Variants in NAV3 observed in about 807,000 individuals in gnomAD.
NAV3 encodes the protein neuron navigator 3, also known as pore membrane and/or filament interacting like protein 1.
In NAV3, 87 loss-of-function variants were observed where a neutral mutation model predicts 244.7. That is an observed-to-expected ratio of 0.36 (90% CI 0.30 to 0.42). NAV3 has a LOEUF of 0.42. NAV3 is among the 20% of genes least tolerant of loss of function. The pLI, the probability that NAV3 is intolerant of heterozygous loss-of-function variation, is 1.00. For synonymous variants in NAV3, 1,126 were observed against 1,042.2 expected (o/e 1.08, Z -1.55); for missense variants, 2,663 against 2,893.3 (o/e 0.92, Z 1.83).
chr12:77,900,567 C>A (rs1023065673), intron 1 of NAV3, among the ~76,000 whole-genome samples: 3 of 149,354 alleles, frequency 2.0e-5, no homozygotes, highest in East Asian at 4.1e-4. Context: ...CACATGCACA[C>A]GCGTATGTGT....
At chr12:77,588,719 G>A (rs1869760444) in intron 2 of NAV3, among the ~76,000 whole-genome samples, 1 of 152,086 alleles carries the variant, frequency 6.6e-6, no homozygotes, top group Non-Finnish European at 1.5e-5. Flanking sequence ...CCTTAATTTG[G>A]CAAGTACTTA....
intron 2 of NAV3, among the ~76,000 whole-genome samples, chr12:77,801,552 A>T (rs1313051092): frequency 6.6e-6 from 1 of 152,132 alleles, no homozygotes; most frequent in Non-Finnish European, 1.5e-5. Context: ...CAAAGTAATA[A>T]TATGTCTTTT....
chr12:78,111,776 G>C (rs965871015), intron 12 of NAV3, among the ~76,000 whole-genome samples: 1 of 152,022 alleles, frequency 6.6e-6, no homozygotes, highest in African/African-American at 2.4e-5. Context: ...CTTGATATAT[G>C]TCTTTTCAAA....
At chr12:78,136,903 C>T (rs927894942) in intron 18 of NAV3, among the ~76,000 whole-genome samples, 1 of 152,162 alleles carries the variant, frequency 6.6e-6, no homozygotes, top group African/African-American at 2.4e-5. Flanking sequence ...CATGTTATTA[C>T]ATTTCTAGCA....
At position 78,007,068 on chromosome 12, in the gene NAV3, C is replaced by T. The variant is rs1442921259; in HGVS notation, c.1530C>T (p.Ser510=). The change falls in exon 8 of 40, where the codon AGC becomes AGT. Residue 510 remains serine (S), a synonymous_variant. Transcript: ENST00000397909. ...SKIASLIPKG[S]KTTAAKKESL... is the part of the protein sequence containing the mutation. ...TTGCAAGCTTGATCCCTAAGGGCAG[C>T]AAGACAACAGCAGCTAAGAAGGAAA... is the stretch of plus-strand genomic sequence containing the variant. 6.2e-7 allele frequency: 1 copy of T among 1,614,172 alleles called. No homozygotes were observed.
At chr12:77,861,737 G>A (rs1184906741) in intron 1 of NAV3, among the ~76,000 whole-genome samples, 2 of 151,638 alleles carry the variant, frequency 1.3e-5, no homozygotes, top group African/African-American at 2.4e-5. Flanking sequence ...CTTAGGGGAG[G>A]CTATAAAGAA....
chr12:78,077,255 C>T (rs756799452), intron 12 of NAV3, among the ~76,000 whole-genome samples: 19 of 151,972 alleles, frequency 1.3e-4, no homozygotes, highest in Admixed American at 6.6e-5. Context: ...ATAAAGTTAA[C>T]CCAAATTTCA....
intron 12 of NAV3, among the ~76,000 whole-genome samples, chr12:78,071,845 A>G (rs1396750242): frequency 6.6e-6 from 1 of 152,218 alleles, no homozygotes; most frequent in Non-Finnish European, 1.5e-5. Context: ...CTCTCAGACC[A>G]CAGTTCAATC....
intron 22 of NAV3, among the ~76,000 whole-genome samples, chr12:78,150,839 C>T (rs1957055238): frequency 6.6e-6 from 1 of 151,938 alleles, no homozygotes; most frequent in Non-Finnish European, 1.5e-5. Context: ...GATGTGTTTT[C>T]ATGACTTTAG....
At chr12:77,861,080 G>C (rs542541574) in intron 1 of NAV3, among the ~76,000 whole-genome samples, 8 of 151,958 alleles carry the variant, frequency 5.3e-5, no homozygotes, top group Admixed American at 5.2e-4. Context: ...CTTCAGCTGA[G>C]AGATTCAGCT....
intron 8 of NAV3, among the ~76,000 whole-genome samples, chr12:78,018,828 G>A (rs1427219532): frequency 6.6e-6 from 1 of 152,138 alleles, no homozygotes; most frequent in East Asian, 1.9e-4. Context: ...ACACTTCAGA[G>A]GATTGTTTTT....
intron 2 of NAV3, among the ~76,000 whole-genome samples, chr12:77,718,351 C>T (rs1876457800): frequency 6.6e-6 from 1 of 152,094 alleles, no homozygotes; most frequent in Non-Finnish European, 1.5e-5. Flanking sequence ...CATTATGTAG[C>T]CTTGAGACCC....
intron 1 of NAV3, among the ~76,000 whole-genome samples, chr12:77,873,396 C>T (rs1232266327): frequency 6.6e-6 from 1 of 151,870 alleles, no homozygotes; most frequent in Non-Finnish European, 1.5e-5. Context: ...ACAAATGTGA[C>T]AAATCGTTAC....
chr12:77,607,025 T>G (rs1344944834), intron 2 of NAV3, among the ~76,000 whole-genome samples: 1 of 152,126 alleles, frequency 6.6e-6, no homozygotes, highest in Non-Finnish European at 1.5e-5. Flanking sequence ...AAACATTCAC[T>G]ATAATTAATG....
intron 2 of NAV3, among the ~76,000 whole-genome samples, chr12:77,658,522 G>A (rs891540472): frequency 1.3e-5 from 2 of 151,042 alleles, no homozygotes; most frequent in Non-Finnish European, 3.0e-5. Flanking sequence ...TCGTGAAAAT[G>A]GCCATACTGC....
At chr12:77,802,546 G>A (rs961433955) in intron 2 of NAV3, among the ~76,000 whole-genome samples, 4 of 152,340 alleles carry the variant, frequency 2.6e-5, no homozygotes, top group African/African-American at 9.6e-5. Flanking sequence ...AGTCCTTCCA[G>A]AGAGATTCGA....
intron 9 of NAV3, chr12:78,037,295 C>T (rs1457385834): frequency 7.1e-6 from 5 of 702,862 alleles, no homozygotes; most frequent in Non-Finnish European, 1.3e-5. Context: ...AGGGAGAAAG[C>T]TGTTTGCGGG....
chr12:77,911,920 T>C (rs566933446), intron 1 of NAV3, among the ~76,000 whole-genome samples: 1 of 152,236 alleles, frequency 6.6e-6, no homozygotes, highest in Admixed American at 6.5e-5. Flanking sequence ...GTCTTTATTA[T>C]CAAACAGTTC....
In NAV3 at chr12:78,007,438, A is replaced by G. The variant is rs764840254; in HGVS notation, c.1900A>G (p.Ile634Val). The change falls in exon 8 of 40, where the codon ATT becomes GTT. Residue 634 changes from isoleucine to valine, a missense_variant. Physicochemically the swap from Ile to Val is conservative, Grantham distance 29. Transcript: ENST00000397909. ...HPNTATVAPF[I>V]YRAHSENEGT... ...GAATACCGCGACAGTGGCACCATTC[A>G]TTTACAGGTAAGGTGGCCTCTGTTT... 1 of 1,612,918 alleles carries G rather than the reference A, an allele frequency of 6.2e-7. No homozygotes were observed. The highest frequency in any genetic ancestry group is 1.1e-5 in the South Asian group (1 of 90,992).
Sources: gnomAD v4.1 joint callset for allele counts (sites outside exome capture counted in the v4.1 genomes callset) on GRCh38, gnomAD v4.1.1 for gene constraint, MANE v1.5 for transcripts, NCBI Gene and HGNC (gene_info 2026-07-23, HGNC 2026-07-21) for gene names.